The following AUH variants were observed in gnomAD, a reference collection of about 807,000 sequenced individuals.
AUH encodes AU RNA binding methylglutaconyl-CoA hydratase.
In AUH, 29 loss-of-function variants were observed where a neutral mutation model predicts 42.3. That is an observed-to-expected ratio of 0.69 (90% CI 0.51 to 0.93). The LOEUF (loss-of-function observed/expected upper bound fraction) is 0.93, where lower values mean the gene tolerates loss of function less well. Among genes scored for constraint, AUH ranks in the 40% least tolerant of loss-of-function variants. The pLI is 0.00. For missense variants in AUH, 452 were observed against 438.1 expected, an observed-to-expected ratio of 1.03 and a Z score of -0.28; for synonymous variants, 174 against 166.4, an observed-to-expected ratio of 1.05 and a Z score of -0.35.
chr9:91,334,099 G>C (rs944923535), intron 3 of AUH, among the ~76,000 whole-genome samples: 1 of 152,090 alleles, frequency 6.6e-6, no homozygotes, highest in Non-Finnish European at 1.5e-5. Flanking sequence ...CCCCAGCCAG[G>C]GGATCTCTGT....
chr9:91,266,974 A>T (rs1615811), intron 6 of AUH, among the ~76,000 whole-genome samples: 2 of 152,048 alleles, frequency 1.3e-5, no homozygotes, highest in African/African-American at 4.8e-5. Context: ...TATTTTGGTG[A>T]GAAGTCTGAG....
intron 6 of AUH, among the ~76,000 whole-genome samples, chr9:91,226,395 GTTGT>G (rs1163507929): frequency 3.6e-4 from 53 of 147,672 alleles, no homozygotes; most frequent in African/African-American, 6.6e-4. Flanking sequence ...TTTTGATGGG[GTTGT>G]TTGTTTTTTT....
Position 91,300,557 on chromosome 9 carries a change from T to C in AUH, c.506-2481A>G, listed in dbSNP as rs564673092. The stretch of plus-strand genomic sequence containing the variant: ...TCACCTGCAATCTGCCACCCTTCTA[T>C]GCATCTTCTACCTTTCCTGTAGGGT... On this transcript the variant is annotated intron_variant, in intron 4 of 9. Coordinates refer to ENST00000375731, the MANE Select transcript of AUH (RefSeq NM_001698.3). Among the ~76,000 whole-genome samples the C allele has an allele frequency of 2.6e-5, 4 of 152,338 alleles. No individual in the cohort carries two copies. In the East Asian group the frequency reaches 7.7e-4, roughly 29 times the overall value.
At chr9:91,225,542 T>A (rs1169239734) in intron 6 of AUH, among the ~76,000 whole-genome samples, 4 of 150,746 alleles carry the variant, frequency 2.7e-5, no homozygotes, top group South Asian at 4.2e-4. Flanking sequence ...CCAGTTCTTT[T>A]TTTTTATTAT....
At chr9:91,345,608 TGGATCACG>T (rs1564123062) in intron 3 of AUH, among the ~76,000 whole-genome samples, 1 of 151,594 alleles carries the variant, frequency 6.6e-6, no homozygotes, top group African/African-American at 2.4e-5. Context: ...CCGAGGCAGG[TGGATCACG>T]AGATCAGGAG....
At chr9:91,278,511 C>T (rs1360533818) in intron 6 of AUH, among the ~76,000 whole-genome samples, 4 of 152,076 alleles carry the variant, frequency 2.6e-5, no homozygotes, top group African/African-American at 7.2e-5. Context: ...CTTTTAAGAT[C>T]GTCACTGTTA....
chr9:91,327,348 G>C (rs1830028616), intron 3 of AUH, among the ~76,000 whole-genome samples: 1 of 152,172 alleles, frequency 6.6e-6, no homozygotes, highest in Admixed American at 6.5e-5. Flanking sequence ...TAAACAGAGA[G>C]AGAACTTCTA....
intron 6 of AUH, among the ~76,000 whole-genome samples, chr9:91,279,446 G>A (rs1334015470): frequency 6.6e-6 from 1 of 152,138 alleles, no homozygotes; most frequent in Non-Finnish European, 1.5e-5. Context: ...AAGAAAAGAG[G>A]TTTAATTGCC....
At chr9:91,220,472 C>G in intron 7 of AUH, among the ~76,000 whole-genome samples, 1 of 152,220 alleles carries the variant, frequency 6.6e-6, no homozygotes, top group Non-Finnish European at 1.5e-5. Context: ...CTCTTTCTTT[C>G]CATGGCTATG....
chr9:91,338,484 G>A (rs1011734243), intron 3 of AUH, among the ~76,000 whole-genome samples: 1 of 152,192 alleles, frequency 6.6e-6, no homozygotes, highest in African/African-American at 2.4e-5. Flanking sequence ...AGGCTGGAGC[G>A]CAATGGCGCG....
intron 6 of AUH, among the ~76,000 whole-genome samples, chr9:91,247,002 A>C (rs1828833667): frequency 6.6e-6 from 1 of 152,184 alleles, no homozygotes; most frequent in Non-Finnish European, 1.5e-5. Flanking sequence ...GTTAAGCCAC[A>C]GTCAGCTGAG....
intron 3 of AUH, among the ~76,000 whole-genome samples, chr9:91,351,231 A>G (rs997760439): frequency 6.6e-6 from 1 of 152,170 alleles, no homozygotes; most frequent in Admixed American, 6.5e-5. Context: ...TCGGCCTCCC[A>G]AAGTGCTGGG....
chr9:91,333,808 C>A (rs538711108), intron 3 of AUH, among the ~76,000 whole-genome samples: 1 of 152,296 alleles, frequency 6.6e-6, no homozygotes, highest in Non-Finnish European at 1.5e-5. Flanking sequence ...AAGCAAAGAA[C>A]CAGAAACTGC....
At chr9:91,342,024 G>A (rs1232571859) in intron 3 of AUH, among the ~76,000 whole-genome samples, 1 of 152,212 alleles carries the variant, frequency 6.6e-6, no homozygotes, top group Admixed American at 6.5e-5. Context: ...AAAAGGCAAT[G>A]TGGCCAGAGT....
At chr9:91,265,119 G>C (rs1284009654) in intron 6 of AUH, among the ~76,000 whole-genome samples, 1 of 152,092 alleles carries the variant, frequency 6.6e-6, no homozygotes, top group East Asian at 1.9e-4. Context: ...CTGGCTTTCA[G>C]TGGGTCTTTT....
chr9:91,224,159 T>C (rs1338278921), intron 6 of AUH, among the ~76,000 whole-genome samples: 1 of 152,336 alleles, frequency 6.6e-6, no homozygotes. Flanking sequence ...CAGGAGGACC[T>C]AGACAAAACC....
intron 6 of AUH, among the ~76,000 whole-genome samples, chr9:91,295,691 T>A (rs1243592263): frequency 6.6e-6 from 1 of 152,244 alleles, no homozygotes; most frequent in African/African-American, 2.4e-5. Context: ...AGCAATAAAG[T>A]ATTTTTAAAT....
At chr9:91,318,207 CA>C (rs1829305527) in intron 4 of AUH, among the ~76,000 whole-genome samples, 2 of 151,912 alleles carry the variant, frequency 1.3e-5, no homozygotes, top group South Asian at 2.1e-4. Context: ...TCTCTATCAT[CA>C]AAAAACTGGG....
chr9:91,309,666 G>C (rs907586490), intron 4 of AUH, among the ~76,000 whole-genome samples: 6 of 152,254 alleles, frequency 3.9e-5, no homozygotes, highest in Admixed American at 2.0e-4. Flanking sequence ...CCACAGGGGA[G>C]GACAGTGGTG....
Sources: gnomAD v4.1 joint callset for allele counts (sites outside exome capture counted in the v4.1 genomes callset) on GRCh38, gnomAD v4.1.1 for gene constraint, MANE v1.5 for transcripts, NCBI Gene and HGNC (gene_info 2026-07-23, HGNC 2026-07-21) for gene names.